The following DLG2 variants were observed in gnomAD, a reference collection of about 807,000 sequenced individuals.
DLG2 encodes the protein discs large MAGUK scaffold protein 2, also known as disks large homolog 2.
DLG2 carries 45 observed loss-of-function variants against 132.5 expected under a neutral mutation model. The ratio of observed to expected loss-of-function variants is 0.34; its 90% CI spans 0.27 to 0.44. DLG2 has a LOEUF of 0.44. DLG2 is among the 20% of genes least tolerant of loss of function. The pLI, the probability that DLG2 is intolerant of heterozygous loss-of-function variation, is 1.00. For synonymous variants in DLG2, 424 were observed against 419.6 expected, an observed-to-expected ratio of 1.01 and a Z score of -0.13; for missense variants, 1,045 against 1,196.9, an observed-to-expected ratio of 0.87 and a Z score of 1.87.
At chr11:85,532,775 G>A (rs2075297292) in intron 3 of DLG2, among the ~76,000 whole-genome samples, 2 of 152,160 alleles carry the variant, frequency 1.3e-5, no homozygotes, top group African/African-American at 4.8e-5. Flanking sequence ...AAAAGGCTCT[G>A]AGTAGATAAC....
chr11:85,151,903 T>C lies in DLG2; in HGVS notation c.282+2653A>G, dbSNP rs575950343. On this transcript the variant is annotated intron_variant, in intron 5 of 27. Coordinates refer to ENST00000376104, the MANE Select transcript of DLG2 (RefSeq NM_001142699.3). ...ACTAACGCTTTTAAAATAAGGATCA[T>C]GGGAAGCATTTAATGTAAACATATA... 2.0e-5 allele frequency among the ~76,000 whole-genome samples: 3 copies of C among 152,334 alleles called. No homozygotes were observed. The South Asian group carries it at 6.2e-4, about 32-fold the overall frequency.
intron 3 of DLG2, among the ~76,000 whole-genome samples, chr11:85,427,041 A>C (rs532615975): frequency 5.3e-4 from 80 of 152,344 alleles, no homozygotes; most frequent in African/African-American, 1.9e-3. Context: ...TGGAAGATGA[A>C]ATGAATGAAA....
At chr11:85,169,827 A>G (rs1234553709) in intron 4 of DLG2, among the ~76,000 whole-genome samples, 2 of 152,188 alleles carry the variant, frequency 1.3e-5, no homozygotes, top group African/African-American at 2.4e-5. Flanking sequence ...GGGAAGAGAC[A>G]CAGAAGGTCA....
At chr11:83,813,041 A>C (rs1282865554) in intron 17 of DLG2, among the ~76,000 whole-genome samples, 1 of 152,088 alleles carries the variant, frequency 6.6e-6, no homozygotes, top group Non-Finnish European at 1.5e-5. Flanking sequence ...CCCCCATAAC[A>C]ATCCTTTGAA....
intron 19 of DLG2, among the ~76,000 whole-genome samples, chr11:83,605,833 A>G (rs553492852): frequency 6.6e-6 from 1 of 152,324 alleles, no homozygotes; most frequent in East Asian, 1.9e-4. Flanking sequence ...TACTTCTTCC[A>G]TTTCATGGCA....
In DLG2 at chr11:84,215,779, A is replaced by C. The variant is rs114434645; in HGVS notation, c.573+35459T>G. Among the ~76,000 whole-genome samples, 231 of 152,338 alleles carry C rather than the reference A, an allele frequency of 1.5e-3. 1 individual carries two copies. Among genetic ancestry groups the C allele is most frequent in the African/African-American group, 5.4e-3 (223 of 41,586 alleles). On this transcript the variant is annotated intron_variant, in intron 8 of 27. Transcript: ENST00000376104. ...TCTGAGATGAAAAGATAAAAAAATA[A>C]CATCACTGGTCATGAACAGGTCATT...
intron 8 of DLG2, among the ~76,000 whole-genome samples, chr11:84,243,767 A>G (rs1233815530): frequency 1.3e-5 from 2 of 152,192 alleles, no homozygotes; most frequent in Non-Finnish European, 2.9e-5. Flanking sequence ...CTGAACTAGC[A>G]GTGGCTTCTC....
At chr11:84,571,747 G>T (rs2099485599) in intron 6 of DLG2, among the ~76,000 whole-genome samples, 1 of 152,092 alleles carries the variant, frequency 6.6e-6, no homozygotes, top group South Asian at 2.1e-4. Context: ...GAGTGGTGTG[G>T]ATATGAGATG....
At chr11:84,767,733 G>C (rs1192732817) in intron 6 of DLG2, among the ~76,000 whole-genome samples, 1 of 152,022 alleles carries the variant, frequency 6.6e-6, no homozygotes, top group Admixed American at 6.6e-5. Flanking sequence ...AATGTGAAAA[G>C]AGATGTTTGG....
intron 7 of DLG2, among the ~76,000 whole-genome samples, chr11:84,394,048 G>C (rs974206937): frequency 6.6e-6 from 1 of 151,932 alleles, no homozygotes; most frequent in African/African-American, 2.4e-5. Flanking sequence ...AACACGCCCA[G>C]CTATTTTTAG....
At chr11:85,176,202 G>T (rs945261251) in intron 4 of DLG2, among the ~76,000 whole-genome samples, 6 of 152,110 alleles carry the variant, frequency 3.9e-5, no homozygotes, top group Non-Finnish European at 7.4e-5. Flanking sequence ...CAGACTACCT[G>T]ACTTCAAACT....
intron 6 of DLG2, among the ~76,000 whole-genome samples, chr11:84,964,308 G>T (rs1206017480): frequency 2.0e-5 from 3 of 151,952 alleles, no homozygotes; most frequent in African/African-American, 7.2e-5. Context: ...CTGATCCTTG[G>T]CATTTTTACT....
At chr11:84,792,384 TAC>T (rs2073980656) in intron 6 of DLG2, among the ~76,000 whole-genome samples, 1 of 152,212 alleles carries the variant, frequency 6.6e-6, no homozygotes, top group Non-Finnish European at 1.5e-5. Flanking sequence ...AATATTAGTG[TAC>T]AGTTTTATTG....
intron 18 of DLG2, among the ~76,000 whole-genome samples, chr11:83,664,029 G>A (rs2153555623): frequency 6.6e-6 from 1 of 152,262 alleles, no homozygotes; most frequent in South Asian, 2.1e-4. Flanking sequence ...TCTGTGACCT[G>A]TTTTTTCATT....
rs2099574114 is a variant in DLG2, at chr11:84,600,294, T to C, written c.358-65563A>G. ...GGCAGGCCGGACACAGGGAGGAGTA[T>C]GAATGTCAGGGCAAAAATAGGGCAT... is the stretch of plus-strand genomic sequence containing the variant. On this transcript the variant is annotated intron_variant, in intron 6 of 27. Coordinates refer to ENST00000376104, the MANE Select transcript of DLG2 (RefSeq NM_001142699.3). 2.6e-5 allele frequency among the ~76,000 whole-genome samples: 4 copies of C among 151,954 alleles called. No homozygotes were observed. The South Asian group carries it at 8.3e-4, about 32-fold the overall frequency.
At chr11:85,390,254 A>T (rs1421920865) in intron 3 of DLG2, among the ~76,000 whole-genome samples, 1 of 152,130 alleles carries the variant, frequency 6.6e-6, no homozygotes, top group African/African-American at 2.4e-5. Flanking sequence ...TGAAAAAAAA[A>T]GGAGAGACAT....
At position 83,568,895 on chromosome 11, in the gene DLG2, G is replaced by A. The variant is rs183148279; in HGVS notation, c.1941-27037C>T. 1.8e-4 allele frequency among the ~76,000 whole-genome samples: 27 copies of A among 152,260 alleles called. 1 individual carries two copies. Among genetic ancestry groups the A allele is most frequent in the South Asian group, 2.1e-4 (1 of 4,824 alleles). On this transcript the variant is annotated intron_variant, in intron 19 of 27. Coordinates refer to ENST00000376104, the MANE Select transcript of DLG2 (RefSeq NM_001142699.3). Reference sequence around the variant, plus strand: ...TCTGTTGACCTATCCACAGTGCTGCGCTATCAGAGGACTTAAGATGTTTAA... The same window carrying A: ...TCTGTTGACCTATCCACAGTGCTGCACTATCAGAGGACTTAAGATGTTTAA...
chr11:83,905,594 G>C (rs2074525476), intron 15 of DLG2, among the ~76,000 whole-genome samples: 1 of 152,176 alleles, frequency 6.6e-6, no homozygotes, highest in African/African-American at 2.4e-5. Flanking sequence ...AAGAAGTGTA[G>C]TGAATAAGCA....
At chr11:84,878,172 G>C (rs1371136147) in intron 6 of DLG2, among the ~76,000 whole-genome samples, 1 of 152,158 alleles carries the variant, frequency 6.6e-6, no homozygotes, top group Non-Finnish European at 1.5e-5. Context: ...CAAGGATCTA[G>C]AAACAGAAAT....
Sources: gnomAD v4.1 joint callset for allele counts (sites outside exome capture counted in the v4.1 genomes callset) on GRCh38, gnomAD v4.1.1 for gene constraint, MANE v1.5 for transcripts, NCBI Gene and HGNC (gene_info 2026-07-23, HGNC 2026-07-21) for gene names.